LRRIQ1: variants seen among roughly 807,000 people sequenced by gnomAD.
LRRIQ1 encodes leucine rich repeats and IQ motif containing 1, also known as leucine-rich repeat- and IQ domain-containing protein 1.
In LRRIQ1, 210 loss-of-function variants were observed where a neutral mutation model predicts 211.9. The ratio of observed to expected loss-of-function variants is 0.99; its 90% confidence interval spans 0.89 to 1.11. The LOEUF is 1.11. Ranked by LOEUF, LRRIQ1 falls within the 50% of genes most tolerant of loss-of-function variation. LRRIQ1 has a pLI of 0.00. For missense variants in LRRIQ1, 2,136 were observed against 1,939.5 expected (o/e 1.10, Z -1.90); for synonymous variants, 699 against 650.1 (o/e 1.08, Z -1.14).
At chr12:85,043,258 C>T (rs1299615324) in intron 3 of LRRIQ1, among the ~76,000 whole-genome samples, 4 of 151,948 alleles carry the variant, frequency 2.6e-5, no homozygotes. Flanking sequence ...GTTTTTCATG[C>T]ATTTATAGTC....
intron 20 of LRRIQ1, 46 bp downstream of exon 20, chr12:85,152,415 C>T: frequency 6.8e-7 from 1 of 1,464,054 alleles, no homozygotes; most frequent in Non-Finnish European, 9.5e-7. Flanking sequence ...TTGCTCATTT[C>T]TTAAGGTTAT....
At chr12:85,247,743 T>G (rs1895772770), downstream of LRRIQ1, among the ~76,000 whole-genome samples, 1 of 151,576 alleles carries the variant, frequency 6.6e-6, no homozygotes, top group Admixed American at 6.6e-5. Context: ...TTCTCTTGAG[T>G]CATTATGAAA....
intron 5 of LRRIQ1, among the ~76,000 whole-genome samples, chr12:85,046,490 G>A (rs1389200364): frequency 2.0e-5 from 3 of 152,068 alleles, no homozygotes; most frequent in African/African-American, 7.2e-5. Flanking sequence ...GTCAACTTAT[G>A]TAACTTTATT....
chr12:85,092,141 T>A (rs1480781642), intron 11 of LRRIQ1, among the ~76,000 whole-genome samples: 1 of 152,208 alleles, frequency 6.6e-6, no homozygotes, highest in Admixed American at 6.5e-5. Flanking sequence ...CAGAGAGTTT[T>A]GACTGCACAG....
In LRRIQ1 at chr12:85,038,296, T is replaced by C; in HGVS notation, c.120T>C (p.Asp40=). 6.3e-7 allele frequency: 1 copy of C among 1,578,744 alleles called. No homozygotes were observed. The highest frequency in any genetic ancestry group is 8.6e-7 in the Non-Finnish European group (1 of 1,160,742). ...ESDAKSETQS[D]DSDTDSVELP... is the part of the protein sequence containing the mutation. The stretch of plus-strand genomic sequence containing the variant: ...ATGCAAAATCAGAAACCCAGAGTGA[T>C]GATAGTGATACAGTGAGTATTGCAC... The change falls in exon 2 of 27, where the codon GAT becomes GAC. Residue 40 remains aspartate, a synonymous_variant. Coordinates refer to ENST00000393217, the MANE Select transcript of LRRIQ1 (RefSeq NM_001079910.2).
chr12:85,167,885 ACGCAGCTAGCATTCATACAAT>A (rs146430865), intron 24 of LRRIQ1, among the ~76,000 whole-genome samples: 4,238 of 152,226 alleles, frequency 0.028, 184 homozygotes, highest in East Asian at 0.2. Flanking sequence ...GCCTAACCTA[ACGCAGCTAGCATTCATACAAT>A]CGGAAGTGCA....
intron 24 of LRRIQ1, among the ~76,000 whole-genome samples, chr12:85,162,038 C>CAA (rs1259140734): frequency 7.8e-6 from 1 of 128,498 alleles, no homozygotes; most frequent in Non-Finnish European, 1.7e-5. Context: ...GACTCCACCT[C>CAA]AAAAAAAAAA....
intron 11 of LRRIQ1, among the ~76,000 whole-genome samples, chr12:85,086,946 T>TTATTATTAC (rs1426896426): frequency 6.6e-6 from 1 of 151,332 alleles, no homozygotes; most frequent in African/African-American, 2.4e-5. Context: ...ATTATTATTA[T>TTATTATTAC]TATTATTATT....
intron 24 of LRRIQ1, among the ~76,000 whole-genome samples, chr12:85,199,829 G>T (rs1316760828): frequency 6.6e-6 from 1 of 152,078 alleles, no homozygotes; most frequent in Non-Finnish European, 1.5e-5. Context: ...CTTGAAACAT[G>T]GGAATTATGG....
downstream of LRRIQ1, among the ~76,000 whole-genome samples, chr12:85,246,469 T>C (rs1249599364): frequency 6.6e-6 from 1 of 151,340 alleles, no homozygotes; most frequent in East Asian, 1.9e-4. Context: ...AAACAAAAAA[T>C]TGCTTTTTCA....
chr12:85,161,978 G>T (rs1592906724), intron 24 of LRRIQ1, among the ~76,000 whole-genome samples: 1 of 151,950 alleles, frequency 6.6e-6, no homozygotes, highest in South Asian at 2.1e-4. Flanking sequence ...GGCAGAGCTT[G>T]CAGTGAGCCA....
chr12:85,137,874 C>G lies in LRRIQ1; in HGVS notation c.4234C>G (p.Arg1412Gly), dbSNP rs759290787. 1.3e-6 allele frequency: 2 copies of G among 1,592,774 alleles called. No homozygotes were observed. Among genetic ancestry groups the G allele is most frequent in the South Asian group, 2.3e-5 (2 of 87,568 alleles). ...IQAVWKGFIL[R>G]KKLTTALEAI... ...GGCAGTTTGGAAGGGCTTTATTTTG[C>G]GAAAGAAACTGACAACAGCTCTAGA... is the stretch of plus-strand genomic sequence containing the variant. Residue 1412 changes from arginine to glycine, a missense_variant, in exon 19 of 27, where the codon CGA (arginine) becomes GGA (glycine). Arg to Gly is a moderately radical substitution (Grantham distance 125). Transcript: ENST00000393217.
intron 5 of LRRIQ1, among the ~76,000 whole-genome samples, chr12:85,046,935 C>G (rs563571848): frequency 1.5e-4 from 21 of 143,364 alleles, no homozygotes; most frequent in Non-Finnish European, 2.2e-4. Flanking sequence ...TCTCACTCAT[C>G]GGTGGGAATT....
intron 11 of LRRIQ1, among the ~76,000 whole-genome samples, chr12:85,093,566 C>G (rs543820271): frequency 6.6e-6 from 1 of 152,096 alleles, no homozygotes; most frequent in Non-Finnish European, 1.5e-5. Context: ...AAGAGCCACT[C>G]CAAAGATTTA....
At chr12:85,137,439 T>C (rs1348743937) in intron 18 of LRRIQ1, among the ~76,000 whole-genome samples, 1 of 151,626 alleles carries the variant, frequency 6.6e-6, no homozygotes, top group African/African-American at 2.4e-5. Flanking sequence ...CCCTGTATAA[T>C]ATGGCCATTT....
At chr12:85,241,860 A>G (rs1389860704) in intron 26 of LRRIQ1, among the ~76,000 whole-genome samples, 3 of 152,026 alleles carry the variant, frequency 2.0e-5, no homozygotes, top group African/African-American at 7.2e-5. Context: ...ATGTAGAAGA[A>G]GAGGAAATCC....
chr12:85,106,728 TA>T (rs147746243), intron 15 of LRRIQ1, 113 bp downstream of exon 15: 11,969 of 721,240 alleles, frequency 0.017, 617 homozygotes, highest in East Asian at 0.17. Flanking sequence ...ATTAAAAAAT[TA>T]AAAGTCATTT....
At chr12:85,208,278 T>C (rs1893664149) in intron 24 of LRRIQ1, among the ~76,000 whole-genome samples, 1 of 151,944 alleles carries the variant, frequency 6.6e-6, no homozygotes, top group Non-Finnish European at 1.5e-5. Flanking sequence ...CATATAGGTA[T>C]AGTAAGTTAT....
intron 24 of LRRIQ1, among the ~76,000 whole-genome samples, chr12:85,179,335 G>C (rs1410223865): frequency 1.3e-5 from 2 of 151,888 alleles, no homozygotes; most frequent in African/African-American, 4.8e-5. Flanking sequence ...GTGTCCTTGT[G>C]CAGTGCTTTT....
Sources: gnomAD v4.1 joint callset for allele counts (sites outside exome capture counted in the v4.1 genomes callset) on GRCh38, gnomAD v4.1.1 for gene constraint, MANE v1.5 for transcripts, NCBI Gene and HGNC (gene_info 2026-07-23, HGNC 2026-07-21) for gene names.